The following LIFR variants were observed in gnomAD, a reference collection of about 807,000 sequenced individuals.
The protein encoded by LIFR is leukemia inhibitory factor receptor.
LIFR carries 84 observed loss-of-function variants against 122.2 expected under a neutral mutation model. The ratio of observed to expected loss-of-function variants is 0.69; its 90% CI spans 0.58 to 0.82. LIFR has a LOEUF of 0.82. LIFR is among the 40% of genes least tolerant of loss of function. The probability of loss-of-function intolerance (pLI) is 0.00; values close to 1 mark genes in which losing one functional copy is unlikely to be tolerated. For missense variants in LIFR, 1,294 were observed against 1,311.6 expected (o/e 0.99, Z 0.21); for synonymous variants, 422 against 434.7 (o/e 0.97, Z 0.36).
rs1475409463 is a variant in LIFR at position 38,528,835 on chromosome 5, G to A, written c.148C>T (p.Pro50Ser). Residue 50 changes from proline to serine, a missense_variant, in exon 3 of 20, where the codon CCT becomes TCT. Pro to Ser is a moderately conservative substitution (Grantham distance 74). Transcript: ENST00000453190. Reference protein sequence around the residue: ...NQVNSQKKGAPHDLKCVTNNL... With the variant: ...NQVNSQKKGASHDLKCVTNNL... The stretch of plus-strand genomic sequence containing the variant: ...TTAGTTACACACTTCAAATCATGAG[G>A]AGCCCCTGGAGGAGACACACACACA... The A allele has an allele frequency of 6.6e-7, 1 of 1,520,118 alleles. No individual in the cohort carries two copies. Among genetic ancestry groups the A allele is most frequent in the Non-Finnish European group, 9.0e-7 (1 of 1,116,756 alleles). 94.2% of individuals were successfully genotyped at this position (1,520,118 alleles called of 1,614,324 possible). A position where few individuals can be genotyped will look rare whatever the true frequency, so the allele number is the denominator to read the frequency against.
chr5:38,552,158 G>C (rs771856432), intron 1 of LIFR, among the ~76,000 whole-genome samples: 4 of 152,136 alleles, frequency 2.6e-5, no homozygotes, highest in Non-Finnish European at 4.4e-5. Flanking sequence ...GTCTTAAGTA[G>C]AAACTGCTTA....
chr5:38,498,525 T>C (rs12517020), intron 12 of LIFR, among the ~76,000 whole-genome samples: 45,962 of 152,026 alleles, frequency 0.3, 7,301 homozygotes, highest in East Asian at 0.42. Flanking sequence ...GGCATACCTT[T>C]TGAAAACTCA....
rs1039151341 is a variant in LIFR at position 38,527,159 on chromosome 5, G to A, written c.393C>T (p.Asn131=). 21 of 1,591,142 alleles carry A rather than the reference G, an allele frequency of 1.3e-5. No individual in the cohort carries two copies. The highest frequency in any genetic ancestry group is 2.7e-5 in the African/African-American group (2 of 74,482). Residue 131 remains asparagine (N), a synonymous_variant, in exon 4 of 20, where the codon AAC becomes AAT. Transcript: ENST00000453190. ...AGTTTGTTTTCAAATACTTACAAAC[G>A]TTTTGTTCATTTAGTGTGAATTTAC... ...STSKFTLNEQ[N]VSLIPDTPEI...
chr5:38,515,172 T>C (rs538779725), intron 5 of LIFR, among the ~76,000 whole-genome samples: 1 of 152,120 alleles, frequency 6.6e-6, no homozygotes, highest in Non-Finnish European at 1.5e-5. Context: ...ATTAATCCAT[T>C]CAAACCTAGA....
chr5:38,585,406 A>C (rs180700710), intron 1 of LIFR, among the ~76,000 whole-genome samples: 1 of 152,348 alleles, frequency 6.6e-6, no homozygotes, highest in African/African-American at 2.4e-5. Context: ...AGAACAAGCA[A>C]GGCTACTGAC....
At chr5:38,514,511 C>T (rs182182035) in intron 5 of LIFR, among the ~76,000 whole-genome samples, 78 of 152,270 alleles carry the variant, frequency 5.1e-4, no homozygotes, top group East Asian at 1.2e-3. Flanking sequence ...TGCCCAGTAA[C>T]GTATGAAAGT....
chr5:38,592,287 A>C (rs1749944295), intron 1 of LIFR, among the ~76,000 whole-genome samples: 1 of 152,186 alleles, frequency 6.6e-6, no homozygotes, highest in Non-Finnish European at 1.5e-5. Context: ...AATTTCTTTA[A>C]GAAAAAAAAA....
intron 1 of LIFR, among the ~76,000 whole-genome samples, chr5:38,548,925 A>G (rs1034905512): frequency 2.0e-5 from 3 of 152,182 alleles, no homozygotes; most frequent in Non-Finnish European, 2.9e-5. Flanking sequence ...AGAATAGAAT[A>G]CTGGCTTTAA....
At chr5:38,557,701 C>T (rs376100497), upstream of LIFR, 3 of 154,664 alleles carry the variant, frequency 1.9e-5, no homozygotes, top group African/African-American at 7.2e-5. Flanking sequence ...TGTAAAATAA[C>T]TCTTCCTTGT....
chr5:38,523,359 T>C, intron 5 of LIFR, 60 bp downstream of exon 5: 2 of 1,448,774 alleles, frequency 1.4e-6, no homozygotes, highest in Non-Finnish European at 1.9e-6. Flanking sequence ...TTAAGGCTTC[T>C]TAAAAAAAAT....
chr5:38,490,384 C>A, intron 14 of LIFR, 93 bp from the exon 15 acceptor site: 3 of 542,004 alleles, frequency 5.5e-6, no homozygotes, highest in Admixed American at 3.0e-5. Context: ...TCTAAAATTT[C>A]CAAAGCTAAT....
intron 15 of LIFR, among the ~76,000 whole-genome samples, 192 bp downstream of exon 15, chr5:38,489,993 TCAAAA>T (rs1744488913): frequency 3.0e-5 from 1 of 33,282 alleles, no homozygotes; most frequent in Admixed American, 5.3e-4. Context: ...AGACCCTCTC[TCAAAA>T]AAAAAAAAAA....
chr5:38,540,475 C>T (rs748812939), intron 1 of LIFR, among the ~76,000 whole-genome samples: 5 of 152,192 alleles, frequency 3.3e-5, no homozygotes, highest in African/African-American at 4.8e-5. Context: ...TTACTGTTCT[C>T]CTTCCAACTC....
In LIFR at chr5:38,528,851, CACACACACACACACACACACACACACAG is replaced by C; in HGVS notation, c.143-39_143-12del. 1 of 221,624 alleles carries C rather than the reference CACACACACACACACACACACACACACAG, an allele frequency of 4.5e-6. No individual in the cohort carries two copies. Among genetic ancestry groups the C allele is most frequent in the Non-Finnish European group, 8.5e-6 (1 of 117,790 alleles). 13.7% of individuals were successfully genotyped at this position (221,624 alleles called of 1,614,324 possible). A position where few individuals can be genotyped will look rare whatever the true frequency, so the allele number is the denominator to read the frequency against. The stretch of plus-strand genomic sequence containing the variant: ...AATCATGAGGAGCCCCTGGAGGAGA[CACACACACACACACACACACACACACAG>C]ACACACATAAACACAGAATATGCTG... On this transcript the variant is annotated splice_polypyrimidine_tract_variant and intron_variant, in intron 2 of 19. Transcript: ENST00000453190.
intron 5 of LIFR, among the ~76,000 whole-genome samples, chr5:38,522,383 T>C (rs994332333): frequency 7.2e-5 from 11 of 152,252 alleles, no homozygotes; most frequent in Non-Finnish European, 1.5e-4. Context: ...CTCTCTAGGA[T>C]GATCTATTTG....
At chr5:38,557,811 G>A (rs1748664533), upstream of LIFR, 1 of 152,356 alleles carries the variant, frequency 6.6e-6, no homozygotes, top group South Asian at 2.1e-4. Context: ...AGATACGGTC[G>A]CTATTAGCGT....
At chr5:38,578,207 C>CTTTTTTTTTT (rs3079294) in intron 1 of LIFR, among the ~76,000 whole-genome samples, 28 of 123,452 alleles carry the variant, frequency 2.3e-4, no homozygotes, top group Non-Finnish European at 3.3e-4. Flanking sequence ...TTTTCTTTTT[C>CTTTTTTTTTT]TTTTTTTTTT....
At chr5:38,541,997 T>A (rs940188744) in intron 1 of LIFR, among the ~76,000 whole-genome samples, 1 of 152,208 alleles carries the variant, frequency 6.6e-6, no homozygotes, top group Non-Finnish European at 1.5e-5. Context: ...ATCAGACACA[T>A]AATGTCTAAA....
intron 13 of LIFR, 71 bp downstream of exon 13, chr5:38,496,311 G>A (rs1467513353): frequency 1.6e-6 from 2 of 1,228,292 alleles, no homozygotes; most frequent in East Asian, 4.6e-5. Flanking sequence ...CATGACAAAA[G>A]AGCAAGTAAC....
Sources: gnomAD v4.1 joint callset for allele counts (sites outside exome capture counted in the v4.1 genomes callset) on GRCh38, gnomAD v4.1.1 for gene constraint, MANE v1.5 for transcripts, NCBI Gene and HGNC (gene_info 2026-07-23, HGNC 2026-07-21) for gene names.